AGPAT5: variants seen among roughly 807,000 people sequenced by gnomAD.
The protein encoded by AGPAT5 is 1-acyl-sn-glycerol-3-phosphate acyltransferase epsilon.
Under a neutral mutation model 45.6 loss-of-function variants are expected in AGPAT5, and 46 were observed. That is an observed-to-expected ratio of 1.01 (90% confidence interval 0.80 to 1.29). The LOEUF is 1.29. Ranked by LOEUF, AGPAT5 falls within the 50% of genes most tolerant of loss-of-function variation. The pLI, the probability that AGPAT5 is intolerant of heterozygous loss-of-function variation, is 0.00. For missense variants in AGPAT5, 673 were observed against 450.7 expected, an observed-to-expected ratio of 1.49 and a Z score of -4.47; for synonymous variants, 272 against 167.0, an observed-to-expected ratio of 1.63 and a Z score of -4.85.
intron 3 of AGPAT5, among the ~76,000 whole-genome samples, chr8:6,732,355 T>G (rs150629896): frequency 3.3e-5 from 5 of 152,244 alleles, no homozygotes; most frequent in African/African-American, 1.2e-4. Flanking sequence ...CAGTGTCACA[T>G]GCAGTTTTTT....
chr8:6,744,464 CT>C (rs1801359142), intron 5 of AGPAT5, among the ~76,000 whole-genome samples: 1 of 152,204 alleles, frequency 6.6e-6, no homozygotes, highest in Non-Finnish European at 1.5e-5. Context: ...TGAAATGGGT[CT>C]TACTCAGCTG....
chr8:6,729,502 T>G lies in AGPAT5; in HGVS notation c.290-1209T>G, dbSNP rs1052773234. Among the ~76,000 whole-genome samples, 5 of 63,198 alleles carry G rather than the reference T, an allele frequency of 7.9e-5. No homozygotes were observed. The African/African-American group carries it at 8.6e-4, about 11-fold the overall frequency. 41.5% of individuals were successfully genotyped at this position (63,198 alleles called of 152,430 possible). ...CTCATGTGTGTATTAACTAGAGAAGTCTCCCTTACATTTCATTTTTATGTT... is the reference window on the plus strand; with the variant it reads ...CTCATGTGTGTATTAACTAGAGAAGGCTCCCTTACATTTCATTTTTATGTT... On this transcript the variant is annotated intron_variant, in intron 2 of 7. Coordinates refer to ENST00000285518, the MANE Select transcript of AGPAT5 (RefSeq NM_018361.5).
chr8:6,753,228 C>G (rs1801715948), intron 6 of AGPAT5, among the ~76,000 whole-genome samples: 1 of 152,212 alleles, frequency 6.6e-6, no homozygotes, highest in African/African-American at 2.4e-5. Flanking sequence ...AGAGGCCCTG[C>G]CACGTCCTGA....
chr8:6,726,404 T>A (rs572801363), intron 2 of AGPAT5, among the ~76,000 whole-genome samples: 64 of 152,368 alleles, frequency 4.2e-4, no homozygotes, highest in African/African-American at 1.5e-3. Flanking sequence ...TTAAAATTCC[T>A]TCTTCAGTTT....
Position 6,730,768 on chromosome 8 carries a change from G to A in AGPAT5, c.347G>A (p.Arg116His), listed in dbSNP as rs1469662784. 26 of 1,613,612 alleles carry A rather than the reference G, an allele frequency of 1.6e-5. No individual in the cohort carries two copies. The highest frequency in any genetic ancestry group is 2.0e-5 in the Non-Finnish European group (24 of 1,179,650). Residue 116 changes from arginine (R) to histidine (H), a missense_variant, in exon 3 of 8, where the codon CGC becomes CAC. Physicochemically the swap from Arg to His is conservative, Grantham distance 29 (BLOSUM62 0). Coordinates refer to ENST00000285518, the MANE Select transcript of AGPAT5 (RefSeq NM_018361.5). ...AIRQNALGHV[R>H]YVLKEGLKWL... ...AGGCAGAATGCGCTAGGACATGTGCGCTACGTGCTGAAAGAAGGGTTAAAA... is the reference window on the plus strand; with the variant it reads ...AGGCAGAATGCGCTAGGACATGTGCACTACGTGCTGAAAGAAGGGTTAAAA...
intron 1 of AGPAT5, among the ~76,000 whole-genome samples, chr8:6,720,721 T>C (rs758094351): frequency 6.6e-6 from 1 of 152,220 alleles, no homozygotes; most frequent in Non-Finnish European, 1.5e-5. Flanking sequence ...GAGACCCTGA[T>C]GATTCAGTGA....
At chr8:6,750,869 G>C (rs991047853) in intron 6 of AGPAT5, among the ~76,000 whole-genome samples, 3 of 152,110 alleles carry the variant, frequency 2.0e-5, no homozygotes, top group African/African-American at 7.2e-5. Flanking sequence ...AGTTGCTTTG[G>C]AAATGTCTCT....
At chr8:6,753,253 G>A (rs562511438) in intron 6 of AGPAT5, among the ~76,000 whole-genome samples, 58 of 152,146 alleles carry the variant, frequency 3.8e-4, no homozygotes, top group Non-Finnish European at 7.4e-4. Context: ...TGTACTCCAC[G>A]AAGCATTCTA....
At chr8:6,729,900 T>G (rs939335404) in intron 2 of AGPAT5, among the ~76,000 whole-genome samples, 1 of 152,220 alleles carries the variant, frequency 6.6e-6, no homozygotes, top group Non-Finnish European at 1.5e-5. Flanking sequence ...AGCACATATA[T>G]CTACCCAGCA....
At chr8:6,736,547 TC>T in intron 4 of AGPAT5, among the ~76,000 whole-genome samples, 1 of 152,248 alleles carries the variant, frequency 6.6e-6, no homozygotes, top group Non-Finnish European at 1.5e-5. Flanking sequence ...TATGGTACTT[TC>T]TTTCCTTGTT....
rs1801887784 is a variant in AGPAT5, at chr8:6,757,584, C to T, written c.*196C>T. ...AACATACCTGGTTGTACAACTTTAG[C>T]ATCGGGGCTGCTGGAAGGGTAAAAG... On this transcript the variant is annotated 3_prime_UTR_variant, in exon 8 of 8. Coordinates refer to ENST00000285518, the MANE Select transcript of AGPAT5 (RefSeq NM_018361.5). The T allele has an allele frequency of 3.6e-6, 2 of 553,094 alleles. No individual in the cohort carries two copies. The highest frequency in any genetic ancestry group is 6.4e-6 in the Non-Finnish European group (2 of 312,644). 34.3% of individuals were successfully genotyped at this position (553,094 alleles called of 1,614,324 possible).
intron 5 of AGPAT5, among the ~76,000 whole-genome samples, chr8:6,747,156 T>C (rs1211768441): frequency 2.0e-5 from 3 of 152,178 alleles, no homozygotes; most frequent in Admixed American, 6.5e-5. Flanking sequence ...GTAAACAAAA[T>C]GTGATCTGTT....
At chr8:6,730,166 G>A (rs1800814000) in intron 2 of AGPAT5, among the ~76,000 whole-genome samples, 1 of 151,240 alleles carries the variant, frequency 6.6e-6, no homozygotes, top group South Asian at 2.1e-4. Context: ...TGCTGCTGTT[G>A]GATTATTTAG....
At chr8:6,754,206 C>T (rs1259651337) in intron 6 of AGPAT5, among the ~76,000 whole-genome samples, 2 of 152,174 alleles carry the variant, frequency 1.3e-5, no homozygotes, top group Non-Finnish European at 2.9e-5. Context: ...TCCGTTCTTT[C>T]TTGGAATAAA....
At chr8:6,740,641 A>G (rs73661465) in intron 4 of AGPAT5, among the ~76,000 whole-genome samples, 4,070 of 152,080 alleles carry the variant, frequency 0.027, 182 homozygotes, top group African/African-American at 0.093. Context: ...AAAGTACGAA[A>G]TTTTTAGATA....
Position 6,708,980 on chromosome 8 carries a change from G to C in AGPAT5, c.219+93G>C, listed in dbSNP as rs545501024. ...CCCCCACAGCTGGCGAGGGTCACCC[G>C]GCCGGCCCGGCGGACCCAGCACGGA... On this transcript the variant is annotated intron_variant, in intron 1 of 7. Coordinates refer to ENST00000285518, the MANE Select transcript of AGPAT5 (RefSeq NM_018361.5). 7.2e-4 allele frequency: 917 copies of C among 1,270,480 alleles called. 12 individuals are homozygous for C. In the Admixed American group the frequency reaches 0.016, roughly 22 times the overall value. 78.7% of individuals were successfully genotyped at this position (1,270,480 alleles called of 1,614,324 possible). A position where few individuals can be genotyped will look rare whatever the true frequency, so the allele number is the denominator to read the frequency against.
intron 2 of AGPAT5, among the ~76,000 whole-genome samples, chr8:6,730,116 G>T (rs1467649145): frequency 6.6e-6 from 1 of 151,234 alleles, no homozygotes; most frequent in Non-Finnish European, 1.5e-5. Flanking sequence ...TTGTTTTCTA[G>T]ACTTTAGGAT....
intron 1 of AGPAT5, among the ~76,000 whole-genome samples, chr8:6,716,643 G>A (rs901538978): frequency 2.6e-5 from 4 of 152,104 alleles, no homozygotes; most frequent in Non-Finnish European, 5.9e-5. Flanking sequence ...AGATCAGCCT[G>A]ACCAACATGG....
Position 6,760,690 on chromosome 8 carries a change from T to A in AGPAT5, c.*3302T>A, listed in dbSNP as rs1420366159. Among the ~76,000 whole-genome samples, 1 of 152,218 alleles carries A rather than the reference T, an allele frequency of 6.6e-6. No individual in the cohort carries two copies. Among genetic ancestry groups the A allele is most frequent in the African/African-American group, 2.4e-5 (1 of 41,456 alleles). ...GCATGGCTTGCTTTATAAACAAGAT[T>A]TTTTCTCCCTCCTTTTGGGCCAGTT... On this transcript the variant is annotated 3_prime_UTR_variant, in exon 8 of 8. Transcript: ENST00000285518.
Sources: allele counts gnomAD v4.1 joint callset (sites outside exome capture counted in the v4.1 genomes callset), GRCh38; gene constraint gnomAD v4.1.1; transcripts MANE v1.5; gene names NCBI Gene and HGNC (gene_info 2026-07-23, HGNC 2026-07-21).